Variants in FOXO3 observed in about 807,000 individuals in gnomAD.
FOXO3 encodes the protein forkhead box O3.
Under a neutral mutation model 41.9 loss-of-function variants are expected in FOXO3, and 4 were observed. The ratio of observed to expected loss-of-function variants is 0.10; its 90% CI spans 0.05 to 0.22. FOXO3 has a LOEUF of 0.22. Among genes scored for constraint, FOXO3 ranks in the 10% least tolerant of loss-of-function variants. The probability of loss-of-function intolerance (pLI) is 1.00; values close to 1 mark genes in which losing one functional copy is unlikely to be tolerated. For missense variants in FOXO3, 534 were observed against 906.8 expected (o/e 0.59, Z 5.28); for synonymous variants, 318 against 389.3 (o/e 0.82, Z 2.16).
chr6:108,669,622 C>T (rs1779157405), intron 2 of FOXO3, among the ~76,000 whole-genome samples: 1 of 152,066 alleles, frequency 6.6e-6, no homozygotes, highest in Non-Finnish European at 1.5e-5. Context: ...AACTGTCATT[C>T]AGGGAGAGAA....
At chr6:108,595,135 G>A (rs960869885) in intron 1 of FOXO3, among the ~76,000 whole-genome samples, 2 of 152,108 alleles carry the variant, frequency 1.3e-5, no homozygotes, top group African/African-American at 4.8e-5. Context: ...CCTCCCACAA[G>A]CAGCTGGATT....
chr6:108,670,489 G>A lies in FOXO3; in HGVS notation c.*34+5600G>A, dbSNP rs6921525. 3.0e-3 allele frequency among the ~76,000 whole-genome samples: 460 copies of A among 150,892 alleles called. 5 individuals carry two copies. The highest frequency in any genetic ancestry group is 0.011 in the African/African-American group (447 of 41,016). On this transcript the variant is annotated intron_variant, in intron 2 of 2. Coordinates refer to ENST00000406360, the MANE Select transcript of FOXO3 (RefSeq NM_001455.4). ...CATAGATCCTCAAGATAGTGAAATG[G>A]AAAATGGATTCTGTGGTCAAATAAG... is the stretch of plus-strand genomic sequence containing the variant.
intron 1 of FOXO3, among the ~76,000 whole-genome samples, chr6:108,606,272 G>A (rs1163577722): frequency 6.6e-6 from 1 of 152,180 alleles, no homozygotes; most frequent in Non-Finnish European, 1.5e-5. Context: ...TTGGAGATAA[G>A]GAGGTCTCTC....
intron 1 of FOXO3, among the ~76,000 whole-genome samples, chr6:108,570,539 G>A (rs916132792): frequency 2.0e-5 from 3 of 151,976 alleles, no homozygotes; most frequent in Non-Finnish European, 4.4e-5. Context: ...TTGTTGCCAG[G>A]TTGGTCTCAA....
Position 108,664,667 on chromosome 6 carries a change from G to A in FOXO3, c.1834G>A (p.Asp612Asn). ...CCATGAGAAGTTCCCCAGCGACTTG[G>A]ACCTGGACATGTTCAATGGGAGCTT... is the stretch of plus-strand genomic sequence containing the variant. ...MGHEKFPSDLDLDMFNGSLEC... is the reference protein window; with the variant it reads ...MGHEKFPSDLNLDMFNGSLEC... The change falls in exon 2 of 3, where the codon GAC (aspartate) becomes AAC (asparagine). Residue 612 changes from aspartate to asparagine, a missense_variant. Asp to Asn is a conservative substitution (Grantham distance 23). Transcript: ENST00000406360. 1 of 1,023,596 alleles carries A rather than the reference G, an allele frequency of 9.8e-7. No individual in the cohort carries two copies. Among genetic ancestry groups the A allele is most frequent in the Non-Finnish European group, 1.5e-6 (1 of 661,726 alleles). The allele number at this position is 1,023,596 out of a possible 1,614,324, so 63.4% of individuals were successfully genotyped here.
At chr6:108,630,090 G>A (rs903512580) in intron 1 of FOXO3, among the ~76,000 whole-genome samples, 2 of 152,138 alleles carry the variant, frequency 1.3e-5, no homozygotes, top group Non-Finnish European at 2.9e-5. Flanking sequence ...GTTTCCTCTG[G>A]TTTTGTCTAG....
intron 1 of FOXO3, among the ~76,000 whole-genome samples, chr6:108,591,561 T>G (rs2128363145): frequency 6.6e-6 from 1 of 152,282 alleles, no homozygotes; most frequent in African/African-American, 2.4e-5. Context: ...AAAGTTCACT[T>G]TTCGGTCAGG....
intron 1 of FOXO3, among the ~76,000 whole-genome samples, chr6:108,647,001 C>T (rs1189427391): frequency 6.6e-6 from 1 of 152,210 alleles, no homozygotes; most frequent in Non-Finnish European, 1.5e-5. Flanking sequence ...TTGTAATAAT[C>T]ATCACTAAGC....
chr6:108,651,285 A>T (rs1778541791), intron 1 of FOXO3, among the ~76,000 whole-genome samples: 1 of 152,214 alleles, frequency 6.6e-6, no homozygotes, highest in African/African-American at 2.4e-5. Context: ...AGTGACTATT[A>T]GGATAATTAA....
chr6:108,561,556 G>A lies in FOXO3; in HGVS notation c.348G>A (p.Ala116=). The A allele has an allele frequency of 7.0e-7, 1 of 1,434,568 alleles. No homozygotes were observed. Among genetic ancestry groups the A allele is most frequent in the Non-Finnish European group, 9.1e-7 (1 of 1,102,462 alleles). The allele number at this position is 1,434,568 out of a possible 1,614,324, so 88.9% of individuals were successfully genotyped here. The part of the protein sequence containing the change: ...QDPGSGPATA[A]GGLSGGTQAL... The stretch of plus-strand genomic sequence containing the variant: ...CCGGGTCTGGGCCAGCCACCGCGGC[G>A]GGCGGGCTGAGCGGGGGTACACAGG... The change falls in exon 1 of 3, where the codon GCG becomes GCA. Residue 116 remains alanine, a synonymous_variant. Transcript: ENST00000406360.
At chr6:108,676,140 C>A (rs921033388) in intron 2 of FOXO3, among the ~76,000 whole-genome samples, 6 of 152,114 alleles carry the variant, frequency 3.9e-5, no homozygotes, top group African/African-American at 1.2e-4. Context: ...ATTTCATTTT[C>A]TTTGTATCAG....
intron 1 of FOXO3, among the ~76,000 whole-genome samples, chr6:108,639,917 C>T (rs1230961286): frequency 6.6e-6 from 1 of 152,230 alleles, no homozygotes; most frequent in Non-Finnish European, 1.5e-5. Context: ...ATAGAACTCA[C>T]TCCTTGGTCT....
chr6:108,579,317 A>G (rs2128359536), intron 1 of FOXO3, among the ~76,000 whole-genome samples: 1 of 152,262 alleles, frequency 6.6e-6, no homozygotes, highest in East Asian at 1.9e-4. Flanking sequence ...CACTTTCCTC[A>G]GATTCACCAA....
intron 1 of FOXO3, among the ~76,000 whole-genome samples, chr6:108,581,063 T>C (rs1776407592): frequency 2.0e-5 from 3 of 152,236 alleles, no homozygotes; most frequent in African/African-American, 7.2e-5. Context: ...TCCCTGCCCC[T>C]GCCCCTTCTG....
At chr6:108,604,633 G>C (rs1024182143) in intron 1 of FOXO3, among the ~76,000 whole-genome samples, 2 of 152,064 alleles carry the variant, frequency 1.3e-5, no homozygotes, top group South Asian at 4.1e-4. Context: ...AACTGAATTT[G>C]AACAACAACC....
intron 1 of FOXO3, among the ~76,000 whole-genome samples, chr6:108,614,997 T>C (rs753210215): frequency 3.3e-5 from 5 of 152,164 alleles, no homozygotes; most frequent in Non-Finnish European, 7.4e-5. Context: ...GTCAATCTTC[T>C]GCCACTTTAC....
chr6:108,644,369 A>T (rs915714323), intron 1 of FOXO3, among the ~76,000 whole-genome samples: 2 of 152,278 alleles, frequency 1.3e-5, no homozygotes, highest in East Asian at 3.9e-4. Flanking sequence ...ATTAGTAGTG[A>T]TCCCTTGCTG....
chr6:108,608,539 A>G (rs1777271645), intron 1 of FOXO3, among the ~76,000 whole-genome samples: 4 of 152,200 alleles, frequency 2.6e-5, no homozygotes, highest in Admixed American at 2.6e-4. Flanking sequence ...CAGTTTTTCT[A>G]TCAAAAACAA....
chr6:108,560,767 C>T (rs1436681105), upstream of FOXO3: 4 of 277,616 alleles, frequency 1.4e-5, no homozygotes, highest in Non-Finnish European at 2.6e-5. Flanking sequence ...TTTAAAGGCG[C>T]GGCCGCCCCT....
Sources: allele counts gnomAD v4.1 joint callset (sites outside exome capture counted in the v4.1 genomes callset), GRCh38; gene constraint gnomAD v4.1.1; transcripts MANE v1.5; gene names NCBI Gene and HGNC (gene_info 2026-07-23, HGNC 2026-07-21).